Variants in JAKMIP3 observed in about 807,000 individuals in gnomAD.
JAKMIP3 encodes the protein janus kinase and microtubule-interacting protein 3.
Under a neutral mutation model 118.5 loss-of-function variants are expected in JAKMIP3, and 58 were observed. The ratio of observed to expected loss-of-function variants is 0.49; its 90% CI spans 0.40 to 0.61. The LOEUF is 0.61. Among genes scored for constraint, JAKMIP3 ranks in the 20% least tolerant of loss-of-function variants. JAKMIP3 has a pLI of 0.00. For synonymous variants in JAKMIP3, 486 were observed against 451.2 expected (o/e 1.08, Z -0.98); for missense variants, 950 against 1,109.0 (o/e 0.86, Z 2.04).
intron 1 of JAKMIP3, among the ~76,000 whole-genome samples, chr10:132,039,202 T>C (rs2037632108): frequency 6.6e-6 from 1 of 152,184 alleles, no homozygotes; most frequent in Admixed American, 6.5e-5. Context: ...CCCAAGCTGG[T>C]CTTGAACTCC....
At chr10:132,046,790 C>G (rs1319742320) in intron 1 of JAKMIP3, among the ~76,000 whole-genome samples, 1 of 152,136 alleles carries the variant, frequency 6.6e-6, no homozygotes, top group Non-Finnish European at 1.5e-5. Context: ...AAAATTAACC[C>G]AAGTAGAGAG....
intron 2 of JAKMIP3, among the ~76,000 whole-genome samples, chr10:132,110,656 G>A (rs1801256544): frequency 6.6e-6 from 1 of 152,260 alleles, no homozygotes; most frequent in Non-Finnish European, 1.5e-5. Context: ...TCAGTCCGAT[G>A]GTTAATCGAT....
chr10:132,060,011 C>G (rs951525722), upstream of JAKMIP3, among the ~76,000 whole-genome samples: 1 of 152,200 alleles, frequency 6.6e-6, no homozygotes, highest in Non-Finnish European at 1.5e-5. Flanking sequence ...GCTGCATCTT[C>G]ATGCCCTCTT....
rs138325322 is a variant in JAKMIP3, at chr10:132,106,011, C to T, written c.135+1068C>T. Among the ~76,000 whole-genome samples, 923 of 152,208 alleles carry T rather than the reference C, an allele frequency of 6.1e-3. 3 individuals carry two copies. The highest frequency in any genetic ancestry group is 0.014 in the Middle Eastern group (4 of 294). On this transcript the variant is annotated intron_variant, in intron 2 of 23. Coordinates refer to ENST00000684848, the MANE Select transcript of JAKMIP3 (RefSeq NM_001323087.2). ...AAAAGAAGAAGAATGTTTCGTGACA[C>T]GTGATCATCATGTGTAGTTCAGATT...
intron 11 of JAKMIP3, among the ~76,000 whole-genome samples, chr10:132,142,613 G>A (rs1564954932): frequency 6.6e-6 from 1 of 152,184 alleles, no homozygotes; most frequent in South Asian, 2.1e-4. Context: ...GCTGGCGGGT[G>A]CCCTCTGCGG....
intron 2 of JAKMIP3, 148 bp downstream of exon 2, chr10:132,105,091 G>C (rs1419178900): frequency 2.1e-6 from 2 of 955,524 alleles, no homozygotes. Flanking sequence ...CCACTTGGTG[G>C]GGGGTGGGGC....
chr10:132,082,007 G>T, intron 1 of JAKMIP3, among the ~76,000 whole-genome samples: 1 of 151,728 alleles, frequency 6.6e-6, no homozygotes, highest in East Asian at 1.9e-4. Flanking sequence ...GTCTGCGTTT[G>T]TCTCTGTGGG....
chr10:132,117,679 C>G lies in JAKMIP3; in HGVS notation c.633+105C>G. On this transcript the variant is annotated intron_variant, in intron 3 of 23. Transcript: ENST00000684848. This position sits in a 1 kb window ranked among gnomAD's most constrained non-coding sequence, Gnocchi z 8.6. Reference sequence around the variant, plus strand: ...AGGGTGCAGGCGTGGGCTCGGGGAGCACGCGGGCAGCACCGGCTTCACCCC... The same window carrying G: ...AGGGTGCAGGCGTGGGCTCGGGGAGGACGCGGGCAGCACCGGCTTCACCCC... 1 of 1,223,572 alleles carries G rather than the reference C, an allele frequency of 8.2e-7. No homozygotes were observed. The highest frequency in any genetic ancestry group is 1.0e-6 in the Non-Finnish European group (1 of 958,318). 75.8% of individuals were successfully genotyped at this position (1,223,572 alleles called of 1,614,324 possible).
At chr10:132,092,833 G>A (rs543591815) in intron 1 of JAKMIP3, among the ~76,000 whole-genome samples, 1 of 152,286 alleles carries the variant, frequency 6.6e-6, no homozygotes, top group Non-Finnish European at 1.5e-5. Flanking sequence ...CTTTGGAGGG[G>A]GAGAGGCGCT....
chr10:132,040,253 C>T (rs762694200), intron 1 of JAKMIP3, among the ~76,000 whole-genome samples: 189 of 152,300 alleles, frequency 1.2e-3, no homozygotes, highest in Middle Eastern at 3.4e-3. Context: ...CTCTGTAAGC[C>T]AGGAAGGACC....
At chr10:132,141,064 T>G (rs2053415639) in intron 10 of JAKMIP3, among the ~76,000 whole-genome samples, 1 of 152,182 alleles carries the variant, frequency 6.6e-6, no homozygotes, top group Admixed American at 6.5e-5. Context: ...GAAGGACGGC[T>G]ACCCTCAGGC....
Position 132,111,540 on chromosome 10 carries a change from G to A in JAKMIP3, c.136-5537G>A, listed in dbSNP as rs533403062. The stretch of plus-strand genomic sequence containing the variant: ...GGCCATGGGCCCCGGGGGCCATGCG[G>A]GTGTGGGGCAGGAGGGGGCCTAGTA... On this transcript the variant is annotated intron_variant, in intron 2 of 23. Transcript: ENST00000684848. Among the ~76,000 whole-genome samples, 25 of 152,236 alleles carry A rather than the reference G, an allele frequency of 1.6e-4. No individual in the cohort carries two copies. The South Asian group carries it at 5.2e-3, about 32-fold the overall frequency.
chr10:132,176,039 G>C (rs751830556), intron 23 of JAKMIP3, among the ~76,000 whole-genome samples: 3 of 152,242 alleles, frequency 2.0e-5, no homozygotes, highest in Admixed American at 6.5e-5. Context: ...CCCAGGCACT[G>C]CCTGTCTCTC....
At chr10:132,180,714 T>TGC (rs1554963290) in intron 23 of JAKMIP3, among the ~76,000 whole-genome samples, 477 of 26,600 alleles carry the variant, frequency 0.018, 83 homozygotes, top group Admixed American at 0.023. Context: ...TGTGCGCGTG[T>TGC]GTGTGCGTGT....
chr10:132,140,335 A>C, intron 9 of JAKMIP3, 116 bp from the exon 10 acceptor site: 2 of 1,313,856 alleles, frequency 1.5e-6, no homozygotes, highest in East Asian at 3.0e-5. Flanking sequence ...CAGAGATGGG[A>C]GTGTGTCGCA....
rs888045832 is a variant in JAKMIP3 at position 132,184,652 on chromosome 10, A to T, written c.*3399A>T. 6.6e-6 allele frequency: 1 copy of T among 152,210 alleles called. No individual in the cohort carries two copies. The highest frequency in any genetic ancestry group is 2.4e-5 in the African/African-American group (1 of 41,446). The allele number at this position is 152,210 out of a possible 1,614,324, so 9.4% of individuals were successfully genotyped here. A position where few individuals can be genotyped will look rare whatever the true frequency, so the allele number is the denominator to read the frequency against. On this transcript the variant is annotated 3_prime_UTR_variant, in exon 24 of 24. Transcript: ENST00000684848. ...CTCTAACCACGTGACATTCCGTTCCATGCTAAGCAGTATTCACAGGCCTAA... is the reference window on the plus strand; with the variant it reads ...CTCTAACCACGTGACATTCCGTTCCTTGCTAAGCAGTATTCACAGGCCTAA...
At chr10:132,043,278 C>T (rs979675695) in intron 1 of JAKMIP3, among the ~76,000 whole-genome samples, 3 of 152,022 alleles carry the variant, frequency 2.0e-5, no homozygotes, top group East Asian at 3.9e-4. Context: ...GATGTGGGCT[C>T]ACTGCAGCCT....
rs2060482663 is a variant in JAKMIP3, at chr10:132,179,379, C to T, written c.*1104-2978C>T. Among the ~76,000 whole-genome samples, 2 of 152,182 alleles carry T rather than the reference C, an allele frequency of 1.3e-5. No homozygotes were observed. The highest frequency in any genetic ancestry group is 1.5e-5 in the Non-Finnish European group (1 of 68,036). ...CCTGAGCTCCCCACATCCTACCTCTCTCCTGTCACTCGAAGCTCAGCCACC... is the reference window on the plus strand; with the variant it reads ...CCTGAGCTCCCCACATCCTACCTCTTTCCTGTCACTCGAAGCTCAGCCACC... On this transcript the variant is annotated intron_variant, in intron 23 of 23. Coordinates refer to ENST00000684848, the MANE Select transcript of JAKMIP3 (RefSeq NM_001323087.2). The surrounding 1 kb of genome is among the most constrained non-coding windows in gnomAD (Gnocchi z 4.3).
chr10:132,134,128 C>T (rs1013836466), intron 4 of JAKMIP3, among the ~76,000 whole-genome samples: 1 of 152,238 alleles, frequency 6.6e-6, no homozygotes, highest in Non-Finnish European at 1.5e-5. Context: ...GCTCCGCACT[C>T]ATATCCTCTG....
Sources: gnomAD v4.1 joint callset for allele counts (sites outside exome capture counted in the v4.1 genomes callset) on GRCh38, gnomAD v4.1.1 for gene constraint, Gnocchi (gnomAD v3.1) non-coding constraint, MANE v1.5 for transcripts, NCBI Gene and HGNC (gene_info 2026-07-23, HGNC 2026-07-21) for gene names.